The following SVEP1 variants were observed in gnomAD, a reference collection of about 807,000 sequenced individuals.
The protein encoded by SVEP1 is sushi, von Willebrand factor type A, EGF and pentraxin domain containing 1, also known as sushi, von Willebrand factor type A, EGF and pentraxin domain-containing protein 1.
Under a neutral mutation model 367.3 loss-of-function variants are expected in SVEP1, and 164 were observed. The ratio of observed to expected loss-of-function variants is 0.45; its 90% CI spans 0.39 to 0.51. SVEP1 has a LOEUF of 0.51. Ranked by LOEUF, SVEP1 falls within the 20% of genes least tolerant of loss-of-function variation. The probability of loss-of-function intolerance (pLI) is 0.00; values close to 1 mark genes in which losing one functional copy is unlikely to be tolerated. For missense variants in SVEP1, 4,117 were observed against 4,425.3 expected (o/e 0.93, Z 1.98); for synonymous variants, 1,666 against 1,611.6 (o/e 1.03, Z -0.81).
At chr9:110,475,640 A>G (rs1829088913) in intron 14 of SVEP1, among the ~76,000 whole-genome samples, 1 of 151,336 alleles carries the variant, frequency 6.6e-6, no homozygotes, top group Non-Finnish European at 1.5e-5. Context: ...GGCTCAAGGG[A>G]TCCTCCCACC....
intron 2 of SVEP1, among the ~76,000 whole-genome samples, chr9:110,547,630 C>T (rs1279240633): frequency 4.6e-5 from 7 of 152,208 alleles, no homozygotes; most frequent in African/African-American, 1.7e-4. Flanking sequence ...ACTAGTGTAC[C>T]AGCATTCAGG....
At chr9:110,495,495 T>C (rs991525368) in intron 8 of SVEP1, among the ~76,000 whole-genome samples, 1 of 152,160 alleles carries the variant, frequency 6.6e-6, no homozygotes, top group South Asian at 2.1e-4. Context: ...CTAAAGTGCA[T>C]TCAGCCCTAG....
chr9:110,398,857 G>T (rs553182055), intron 40 of SVEP1, among the ~76,000 whole-genome samples: 1 of 152,232 alleles, frequency 6.6e-6, no homozygotes, highest in Non-Finnish European at 1.5e-5. Context: ...AGGTGCTAGA[G>T]AGGATGTGGA....
Position 110,430,445 on chromosome 9 carries a change from T to C in SVEP1, c.5359A>G (p.Ile1787Val), listed in dbSNP as rs754089742. 1 of 1,609,412 alleles carries C rather than the reference T, an allele frequency of 6.2e-7. No individual in the cohort carries two copies. Among genetic ancestry groups the C allele is most frequent in the Admixed American group, 1.7e-5 (1 of 59,346 alleles). Residue 1787 changes from isoleucine to valine, a missense_variant, in exon 33 of 48, where the codon ATA (isoleucine) becomes GTA (valine). By Grantham distance (29) the Ile-to-Val change is conservative. Around this residue, in one of 4 missense-constraint regions of SVEP1, gnomAD observed 2,174 missense variants for 2,494.3 expected, o/e 0.87. Coordinates refer to ENST00000374469, the MANE Select transcript of SVEP1 (RefSeq NM_153366.4). Reference protein sequence around the residue: ...TGDGKNCAEPIKCKAPGNPEN... With the variant: ...TGDGKNCAEPVKCKAPGNPEN... ...GGATTTCCTGGAGCCTTACATTTTATAGGTTCTAGAAACAGACAGTTTTGG... is the reference window on the plus strand; with the variant it reads ...GGATTTCCTGGAGCCTTACATTTTACAGGTTCTAGAAACAGACAGTTTTGG...
chr9:110,572,389 A>G (rs1041142481), intron 1 of SVEP1, among the ~76,000 whole-genome samples: 5 of 152,244 alleles, frequency 3.3e-5, no homozygotes, highest in African/African-American at 1.2e-4. Flanking sequence ...CAAACAGAAT[A>G]TAACACTGGC....
rs1303806093 is a variant in SVEP1, at chr9:110,436,482, C to T, written c.4662G>A (p.Gly1554=). 6.2e-7 allele frequency: 1 copy of T among 1,613,740 alleles called. No individual in the cohort carries two copies. Among genetic ancestry groups the T allele is most frequent in the African/African-American group, 1.3e-5 (1 of 74,986 alleles). The part of the protein sequence containing the change: ...PIPGGGALVL[G]QEQDKKGEGF... ...CCTCTCCTTTTTTGTCTTGCTCTTG[C>T]CCCAGAACTAACGCACCACCACCTA... Residue 1554 remains glycine (G), a synonymous_variant, in exon 28 of 48, where the codon GGG becomes GGA. Transcript: ENST00000374469.
In SVEP1 at chr9:110,469,118, C is replaced by T; in HGVS notation, c.2999-17G>A. The T allele has an allele frequency of 3.7e-6, 6 of 1,604,660 alleles. No homozygotes were observed. Among genetic ancestry groups the T allele is most frequent in the Non-Finnish European group, 5.1e-6 (6 of 1,175,064 alleles). On this transcript the variant is annotated splice_polypyrimidine_tract_variant and intron_variant, in intron 16 of 47. Transcript: ENST00000374469. ...GGCAATTGACTACAGAAAAAGCAAACAGGAAACACTGAATAAACTACAACG... is the reference window on the plus strand; with the variant it reads ...GGCAATTGACTACAGAAAAAGCAAATAGGAAACACTGAATAAACTACAACG...
In SVEP1 at chr9:110,496,637, G is replaced by C. The variant is rs2184244; in HGVS notation, c.1800+178C>G. ...GTGGAACTTCACCTTGTGATGGTGT[G>C]AGTCAATAGTCCTTAATAAACTCAC... On this transcript the variant is annotated intron_variant, in intron 8 of 47. Coordinates refer to ENST00000374469, the MANE Select transcript of SVEP1 (RefSeq NM_153366.4). Among the ~76,000 whole-genome samples, 564 of 152,304 alleles carry C rather than the reference G, an allele frequency of 3.7e-3. 3 individuals are homozygous for C. The highest frequency in any genetic ancestry group is 6.6e-3 in the Non-Finnish European group (447 of 68,028).
chr9:110,409,091 T>G, intron 37 of SVEP1, 140 bp from the exon 38 acceptor site: 1 of 991,148 alleles, frequency 1.0e-6, no homozygotes, highest in Non-Finnish European at 1.4e-6. Flanking sequence ...TGATTTATGG[T>G]TTTTCCAATA....
intron 3 of SVEP1, among the ~76,000 whole-genome samples, chr9:110,538,409 A>G (rs190771258): frequency 3.9e-5 from 6 of 152,186 alleles, no homozygotes; most frequent in South Asian, 2.1e-4. Context: ...TGCTTACAGA[A>G]CAAGATTTCC....
intron 18 of SVEP1, among the ~76,000 whole-genome samples, chr9:110,465,136 T>G (rs1828914646): frequency 6.6e-6 from 1 of 152,080 alleles, no homozygotes; most frequent in South Asian, 2.1e-4. Context: ...TTAACAGAAA[T>G]ATGAATTCTC....
At chr9:110,409,190 C>A (rs1178470829) in intron 37 of SVEP1, among the ~76,000 whole-genome samples, 1 of 152,118 alleles carries the variant, frequency 6.6e-6, no homozygotes, top group African/African-American at 2.4e-5. Context: ...AATCCCAGCA[C>A]TTTGGGAGGC....
At chr9:110,510,239 T>G (rs1829686794) in intron 5 of SVEP1, among the ~76,000 whole-genome samples, 1 of 152,220 alleles carries the variant, frequency 6.6e-6, no homozygotes, top group Non-Finnish European at 1.5e-5. Flanking sequence ...GAGTTTCTCC[T>G]TAGCAATTCC....
At chr9:110,471,832 G>A (rs1275982805) in intron 15 of SVEP1, among the ~76,000 whole-genome samples, 3 of 152,170 alleles carry the variant, frequency 2.0e-5, no homozygotes, top group Admixed American at 6.5e-5. Context: ...ATTTGTTTCA[G>A]TCCTCTCAGA....
At chr9:110,395,789 A>G (rs977817660) in intron 40 of SVEP1, among the ~76,000 whole-genome samples, 228 of 152,214 alleles carry the variant, frequency 1.5e-3, no homozygotes, top group African/African-American at 5.2e-3. Flanking sequence ...GATCAATTCA[A>G]CAAGAAGAGC....
intron 16 of SVEP1, 31 bp from the exon 17 acceptor site, chr9:110,469,132 T>TAAACTAC: frequency 6.3e-7 from 1 of 1,596,328 alleles, no homozygotes; most frequent in East Asian, 2.2e-5. Flanking sequence ...AAACACTGAA[T>TAAACTAC]AAACTACAAC....
chr9:110,371,768 C>A (rs923640890), intron 46 of SVEP1, among the ~76,000 whole-genome samples: 2 of 152,212 alleles, frequency 1.3e-5, no homozygotes, highest in African/African-American at 4.8e-5. Context: ...AGCGTTGATT[C>A]TTACTCTTTA....
In SVEP1 at chr9:110,465,877, A is replaced by C. The variant is rs376352275; in HGVS notation, c.3310T>G (p.Ser1104Ala). The change falls in exon 18 of 48, where the codon TCT (serine) becomes GCT (alanine). Residue 1104 changes from serine (S) to alanine (A), a missense_variant. Physicochemically the swap from Ser to Ala is moderately conservative, Grantham distance 99. Coordinates refer to ENST00000374469, the MANE Select transcript of SVEP1 (RefSeq NM_153366.4). Reference sequence around the variant, plus strand: ...AGGCTTTGATAACCTCCACATGCAGAAATGTTCACGGCTCCTCTTTTCACA... The same window carrying C: ...AGGCTTTGATAACCTCCACATGCAGCAATGTTCACGGCTCCTCTTTTCACA... The part of the protein sequence containing the change: ...STVKRGAVNI[S>A]ACGVPCPEGK... 2.0e-5 allele frequency: 33 copies of C among 1,612,824 alleles called. No individual in the cohort carries two copies. The highest frequency in any genetic ancestry group is 2.6e-5 in the Non-Finnish European group (31 of 1,179,434).
At chr9:110,521,371 C>T (rs1411660589) in intron 3 of SVEP1, among the ~76,000 whole-genome samples, 1 of 152,106 alleles carries the variant, frequency 6.6e-6, no homozygotes, top group Non-Finnish European at 1.5e-5. Context: ...GAATCTGAAC[C>T]CTGATGTGGT....
Sources: allele counts gnomAD v4.1 joint callset (sites outside exome capture counted in the v4.1 genomes callset), GRCh38; gene constraint gnomAD v4.1.1; regional missense constraint gnomAD v4.1.1; transcripts MANE v1.5; gene names NCBI Gene and HGNC (gene_info 2026-07-23, HGNC 2026-07-21).